The following IL1RAPL1 variants were observed in gnomAD, a reference collection of about 807,000 sequenced individuals.
IL1RAPL1 encodes the protein interleukin-1 receptor accessory protein-like 1.
A neutral mutation model predicts 48.4 loss-of-function variants in IL1RAPL1; 3 were observed. The observed-to-expected ratio is 0.06, with a 90% CI of 0.03 to 0.16. The LOEUF (loss-of-function observed/expected upper bound fraction) is 0.16, where lower values mean the gene tolerates loss of function less well. Among genes scored for constraint, IL1RAPL1 ranks in the 10% least tolerant of loss-of-function variants. The pLI is 1.00. For missense variants in IL1RAPL1, 349 were observed against 530.6 expected (o/e 0.66, Z 3.36); for synonymous variants, 185 against 187.7 (o/e 0.99, Z 0.12).
At chrX:29,514,816 T>TA (rs1001964833) in intron 5 of IL1RAPL1, among the ~76,000 whole-genome samples, 5 of 112,462 alleles carry the variant, frequency 4.4e-5, no homozygotes, top group Non-Finnish European at 9.4e-5. Flanking sequence ...ACAATCTGAT[T>TA]AAAAAAAATC....
At chrX:29,912,825 C>G (rs1034855654) in intron 6 of IL1RAPL1, among the ~76,000 whole-genome samples, 5 of 111,972 alleles carry the variant, frequency 4.5e-5, no homozygotes, top group Admixed American at 3.8e-4. Context: ...CAAACACAGT[C>G]CCATCATTTA....
At position 28,596,341 on chromosome X, in the gene IL1RAPL1, C is replaced by G. The variant is rs1012857368; in HGVS notation, c.-25+8294C>G. On this transcript the variant is annotated intron_variant, in intron 1 of 10. Transcript: ENST00000378993. ...GAAGAAATCACCTGCCTGCCTGTCT[C>G]CCTCCCTCCCTTCCTTCCTTCCCTC... Among the ~76,000 whole-genome samples, 5 of 109,933 alleles carry G rather than the reference C, an allele frequency of 4.5e-5. No individual in the cohort carries two copies. In the Admixed American group the frequency reaches 4.9e-4, roughly 11 times the overall value.
intron 5 of IL1RAPL1, among the ~76,000 whole-genome samples, chrX:29,481,138 G>A (rs766360287): frequency 8.9e-6 from 1 of 111,975 alleles, no homozygotes; most frequent in East Asian, 2.8e-4. Flanking sequence ...GCTTCATTTG[G>A]CTAAAATGAA....
At chrX:29,920,794 C>CAAA (rs1176529100) in intron 8 of IL1RAPL1, among the ~76,000 whole-genome samples, 364 of 31,631 alleles carry the variant, frequency 0.012, 13 homozygotes, top group African/African-American at 0.043. Flanking sequence ...GACCCTGTCT[C>CAAA]AAAAAAAAAA....
At chrX:29,576,666 G>T (rs1303811856) in intron 5 of IL1RAPL1, among the ~76,000 whole-genome samples, 1 of 110,644 alleles carries the variant, frequency 9.0e-6, no homozygotes, top group Non-Finnish European at 1.9e-5. Context: ...GTAGGGTAGT[G>T]ACTTGCTAGA....
At chrX:29,417,664 AAT>A (rs1303613758) in intron 5 of IL1RAPL1, among the ~76,000 whole-genome samples, 2 of 111,777 alleles carry the variant, frequency 1.8e-5, no homozygotes, top group Non-Finnish European at 3.8e-5. Context: ...TGATAATTGC[AAT>A]ATGTTTCTCA....
At chrX:28,781,081 A>G (rs1346214305) in intron 1 of IL1RAPL1, among the ~76,000 whole-genome samples, 1 of 110,564 alleles carries the variant, frequency 9.0e-6, no homozygotes, top group Non-Finnish European at 1.9e-5. Context: ...CTATTTTTAC[A>G]TAACAAATTA....
At chrX:28,750,052 A>C (rs932568027) in intron 1 of IL1RAPL1, among the ~76,000 whole-genome samples, 13 of 108,954 alleles carry the variant, frequency 1.2e-4, no homozygotes, top group Admixed American at 3.9e-4. Context: ...TCCCAGGTTC[A>C]AGCAATTCTC....
At chrX:29,873,204 A>G (rs1339336222) in intron 6 of IL1RAPL1, among the ~76,000 whole-genome samples, 1 of 109,661 alleles carries the variant, frequency 9.1e-6, no homozygotes, top group Non-Finnish European at 1.9e-5. Flanking sequence ...TCTCTCTTTT[A>G]TGTAGCAAAT....
intron 5 of IL1RAPL1, among the ~76,000 whole-genome samples, chrX:29,467,366 A>G (rs1934873987): frequency 8.9e-6 from 1 of 112,678 alleles, no homozygotes; most frequent in Non-Finnish European, 1.9e-5. Flanking sequence ...CTTTTGAAGA[A>G]TCTCAGCTAA....
intron 6 of IL1RAPL1, among the ~76,000 whole-genome samples, chrX:29,888,827 C>T (rs1205552660): frequency 9.0e-6 from 1 of 111,558 alleles, no homozygotes; most frequent in Non-Finnish European, 1.9e-5. Flanking sequence ...TAATCTGAAT[C>T]GAGTGACTGG....
intron 2 of IL1RAPL1, among the ~76,000 whole-genome samples, chrX:29,192,610 T>C (rs73212133): frequency 0.094 from 10,551 of 111,988 alleles, 686 homozygotes; most frequent in African/African-American, 0.23. Flanking sequence ...TTTTGGCTTA[T>C]AATAAGAACT....
At chrX:28,770,842 T>C (rs1936299995) in intron 1 of IL1RAPL1, among the ~76,000 whole-genome samples, 1 of 112,385 alleles carries the variant, frequency 8.9e-6, no homozygotes, top group Admixed American at 9.5e-5. Flanking sequence ...GAGGATATTA[T>C]ATCATGTCTG....
At chrX:29,923,453 C>G (rs1366634969) in intron 8 of IL1RAPL1, among the ~76,000 whole-genome samples, 1 of 112,163 alleles carries the variant, frequency 8.9e-6, no homozygotes, top group Non-Finnish European at 1.9e-5. Flanking sequence ...GCCCATGGGC[C>G]ATATTGGTTT....
intron 2 of IL1RAPL1, among the ~76,000 whole-genome samples, chrX:28,932,875 T>A (rs1305925880): frequency 9.0e-6 from 1 of 111,183 alleles, no homozygotes; most frequent in Non-Finnish European, 1.9e-5. Flanking sequence ...ATGAATATTT[T>A]TATTTTCAAA....
intron 6 of IL1RAPL1, among the ~76,000 whole-genome samples, chrX:29,794,548 A>G: frequency 8.9e-6 from 1 of 112,169 alleles, no homozygotes; most frequent in Non-Finnish European, 1.9e-5. Flanking sequence ...TGTCAAATGT[A>G]CCAACATTTA....
chrX:28,874,222 A>C (rs1922308904), intron 2 of IL1RAPL1, among the ~76,000 whole-genome samples: 1 of 111,723 alleles, frequency 9.0e-6, no homozygotes, highest in Admixed American at 9.5e-5. Context: ...TTTTTGTTCC[A>C]CTTCCAATGA....
In IL1RAPL1 at chrX:28,695,606, C is replaced by T. The variant is rs1369095283; in HGVS notation, c.-24-93714C>T. Among the ~76,000 whole-genome samples the T allele has an allele frequency of 6.3e-5, 7 of 111,664 alleles. No homozygotes were observed. The East Asian group carries it at 8.4e-4, about 13-fold the overall frequency. On this transcript the variant is annotated intron_variant, in intron 1 of 10. Coordinates refer to ENST00000378993, the MANE Select transcript of IL1RAPL1 (RefSeq NM_014271.4). ...AATAAGATAGTGAAAGTTTGGACAACCTTACATACCTTTATCATCTTCAGA... is the reference window on the plus strand; with the variant it reads ...AATAAGATAGTGAAAGTTTGGACAATCTTACATACCTTTATCATCTTCAGA...
intron 2 of IL1RAPL1, among the ~76,000 whole-genome samples, chrX:29,256,398 A>G (rs1367524489): frequency 2.7e-5 from 3 of 111,759 alleles, no homozygotes; most frequent in Admixed American, 9.5e-5. Context: ...AGGGACAACA[A>G]TTTTGCTGTG....
Sources: allele counts gnomAD v4.1 joint callset (sites outside exome capture counted in the v4.1 genomes callset), GRCh38; gene constraint gnomAD v4.1.1; transcripts MANE v1.5; gene names NCBI Gene and HGNC (gene_info 2026-07-23, HGNC 2026-07-21).